Variants in OTOGL observed in about 807,000 individuals in gnomAD.
OTOGL encodes the protein otogelin-like protein.
Under a neutral mutation model 318.5 loss-of-function variants are expected in OTOGL, and 285 were observed. That is an observed-to-expected ratio of 0.89 (90% confidence interval 0.81 to 0.99). The LOEUF is 0.99. Among genes scored for constraint, OTOGL ranks in the 50% least tolerant of loss-of-function variants. The pLI is 0.00. For missense variants in OTOGL, 2,899 were observed against 2,845.6 expected (o/e 1.02, Z -0.43); for synonymous variants, 987 against 936.5 (o/e 1.05, Z -0.99).
intron 7 of OTOGL, among the ~76,000 whole-genome samples, chr12:80,223,336 G>C (rs1385787505): frequency 1.3e-5 from 2 of 151,822 alleles, no homozygotes; most frequent in African/African-American, 4.8e-5. Context: ...TGATTGATGG[G>C]CATTTGGGCT....
chr12:80,316,718 C>A (rs1353632594), intron 32 of OTOGL, among the ~76,000 whole-genome samples: 13 of 152,180 alleles, frequency 8.5e-5, no homozygotes, highest in Admixed American at 6.5e-4. Context: ...AAAAGCAATG[C>A]AACAGTGATA....
At chr12:80,327,283 G>A (rs945717541) in intron 35 of OTOGL, among the ~76,000 whole-genome samples, 1 of 152,136 alleles carries the variant, frequency 6.6e-6, no homozygotes, top group Non-Finnish European at 1.5e-5. Flanking sequence ...ATGGCCTCTT[G>A]AAATTTGAGA....
At chr12:80,312,098 A>G (rs540534908) in intron 30 of OTOGL, among the ~76,000 whole-genome samples, 80 of 152,358 alleles carry the variant, frequency 5.3e-4, no homozygotes, top group African/African-American at 1.8e-3. Context: ...TTCACATTGC[A>G]AAGAACTTTT....
At chr12:80,149,421 C>T (rs1446762776) in intron 1 of OTOGL, among the ~76,000 whole-genome samples, 2 of 152,196 alleles carry the variant, frequency 1.3e-5, no homozygotes, top group Non-Finnish European at 2.9e-5. Flanking sequence ...GGCAGTCTGC[C>T]CGTTCTCAGA....
In OTOGL at chr12:80,160,358, A is replaced by G. The variant is rs563905623; in HGVS notation, c.-19-49055A>G. On this transcript the variant is annotated intron_variant, in intron 1 of 58. Transcript: ENST00000547103. ...TTTATACATCCAACAAAGGACTAAT[A>G]TCCAGAATCTGCAAGGAACTCAAAC... 2.0e-5 allele frequency among the ~76,000 whole-genome samples: 3 copies of G among 152,300 alleles called. No homozygotes were observed. The South Asian group carries it at 6.2e-4, about 32-fold the overall frequency.
At chr12:80,327,924 A>C (rs1304430914) in intron 35 of OTOGL, among the ~76,000 whole-genome samples, 2 of 126,504 alleles carry the variant, frequency 1.6e-5, no homozygotes, top group Non-Finnish European at 3.1e-5. Flanking sequence ...GCGCCACTGC[A>C]CTCCAGCCTG....
Position 80,219,852 on chromosome 12 carries a change from T to C in OTOGL, c.274T>C (p.Ser92Pro). The change falls in exon 6 of 59, where the codon TCT becomes CCT. Residue 92 changes from serine to proline, a missense_variant. Coordinates refer to ENST00000547103, the MANE Select transcript of OTOGL (RefSeq NM_001378609.3). ...TGAATGCCTTAATGGAGCTTTCTGT[T>C]CTAAGACTGGAACATGTGACTGTCA... ...PYECLNGAFC[S>P]KTGTCDCQIF... 6.3e-7 allele frequency: 1 copy of C among 1,594,762 alleles called. No homozygotes were observed. The highest frequency in any genetic ancestry group is 1.1e-5 in the South Asian group (1 of 90,682).
In OTOGL at chr12:80,174,030, T is replaced by C. The variant is rs1457479354; in HGVS notation, c.-19-35383T>C. ...TCCTATATGAAGAGTACAACAGCAA[T>C]AGATTCCACAACAGTAAAGCAAAAT... is the stretch of plus-strand genomic sequence containing the variant. On this transcript the variant is annotated intron_variant, in intron 1 of 58. Transcript: ENST00000547103. Among the ~76,000 whole-genome samples, 11 of 152,286 alleles carry C rather than the reference T, an allele frequency of 7.2e-5. No individual in the cohort carries two copies. In the East Asian group the frequency reaches 1.9e-3, roughly 27 times the overall value.
At chr12:80,369,403 C>G (rs1297425895) in intron 55 of OTOGL, among the ~76,000 whole-genome samples, 1 of 151,956 alleles carries the variant, frequency 6.6e-6, no homozygotes, top group East Asian at 1.9e-4. Flanking sequence ...TGTGTTTTCC[C>G]AGGTTAAATG....
intron 26 of OTOGL, 56 bp from the exon 27 acceptor site, chr12:80,296,771 T>C (rs1243206434): frequency 8.3e-7 from 1 of 1,211,504 alleles, no homozygotes; most frequent in East Asian, 2.8e-5. Flanking sequence ...TAAAAATAAC[T>C]AAAAATAATA....
At chr12:80,177,799 T>C (rs900254376) in intron 1 of OTOGL, among the ~76,000 whole-genome samples, 6 of 152,164 alleles carry the variant, frequency 3.9e-5, no homozygotes, top group African/African-American at 1.2e-4. Context: ...TTACACATAT[T>C]ATATTTGTCC....
intron 27 of OTOGL, among the ~76,000 whole-genome samples, chr12:80,302,072 T>TC (rs887103069): frequency 6.6e-6 from 1 of 152,154 alleles, no homozygotes. Context: ...TTGAGAACTT[T>TC]CCCCTTTTCA....
intron 1 of OTOGL, among the ~76,000 whole-genome samples, chr12:80,113,045 G>A (rs980486533): frequency 6.6e-6 from 1 of 152,114 alleles, no homozygotes; most frequent in African/African-American, 2.4e-5. Flanking sequence ...TTTGTGTAGA[G>A]GTGTCTATAG....
At chr12:80,150,186 C>G (rs1455183932) in intron 1 of OTOGL, among the ~76,000 whole-genome samples, 1 of 152,168 alleles carries the variant, frequency 6.6e-6, no homozygotes, top group Non-Finnish European at 1.5e-5. Flanking sequence ...AGGTCCTGTT[C>G]CCTGGAAATC....
chr12:80,201,283 T>C (rs1876434673), intron 1 of OTOGL, among the ~76,000 whole-genome samples: 1 of 152,152 alleles, frequency 6.6e-6, no homozygotes, highest in Non-Finnish European at 1.5e-5. Flanking sequence ...CTTATTTCGC[T>C]CTTGGTTTTT....
intron 23 of OTOGL, among the ~76,000 whole-genome samples, 179 bp from the exon 24 acceptor site, chr12:80,271,468 AT>A (rs1300815390): frequency 1.3e-5 from 2 of 152,132 alleles, no homozygotes; most frequent in African/African-American, 4.8e-5. Context: ...ATTAATAAAA[AT>A]ATCTTGTTTT....
intron 57 of OTOGL, among the ~76,000 whole-genome samples, chr12:80,376,778 C>T (rs1056167907): frequency 8.6e-5 from 13 of 151,842 alleles, no homozygotes; most frequent in Non-Finnish European, 1.3e-4. Flanking sequence ...ATGGTTTATT[C>T]CAAAAATTAT....
intron 1 of OTOGL, among the ~76,000 whole-genome samples, chr12:80,150,808 T>A (rs1396656034): frequency 1.3e-5 from 2 of 152,182 alleles, no homozygotes; most frequent in African/African-American, 4.8e-5. Context: ...TGTACCCTAC[T>A]GTAAGTCTAG....
At position 80,335,947 on chromosome 12, in the gene OTOGL, C is replaced by CT. The variant is rs759975960; in HGVS notation, c.4423-9dup. ...GCTGAGAATGAAAAAACCCACTAAT[C>CT]TTTTTTTATTAACAGCCTCAGAAAT... On this transcript the variant is annotated splice_polypyrimidine_tract_variant and intron_variant, in intron 38 of 58. Transcript: ENST00000547103. The CT allele has an allele frequency of 4.7e-6, 7 of 1,492,894 alleles. No homozygotes were observed. Among genetic ancestry groups the CT allele is most frequent in the Non-Finnish European group, 5.3e-6 (6 of 1,123,606 alleles). The allele number at this position is 1,492,894 out of a possible 1,614,324, so 92.5% of individuals were successfully genotyped here. A position where few individuals can be genotyped will look rare whatever the true frequency, so the allele number is the denominator to read the frequency against.
Sources: allele counts gnomAD v4.1 joint callset (sites outside exome capture counted in the v4.1 genomes callset), GRCh38; gene constraint gnomAD v4.1.1; transcripts MANE v1.5; gene names NCBI Gene and HGNC (gene_info 2026-07-23, HGNC 2026-07-21).